UST: variants seen among roughly 807,000 people sequenced by gnomAD.
UST encodes the protein chondroitin sulfate 2-O-sulfotransferase.
In UST, 21 loss-of-function variants were observed where a neutral mutation model predicts 45.6. The observed-to-expected ratio is 0.46, with a 90% confidence interval of 0.33 to 0.66. UST has a LOEUF of 0.66. UST is among the 30% of genes least tolerant of loss of function. The probability of loss-of-function intolerance (pLI) is 0.02; values close to 1 mark genes in which losing one functional copy is unlikely to be tolerated. For synonymous variants in UST, 215 were observed against 200.6 expected (o/e 1.07, Z -0.61); for missense variants, 463 against 512.4 (o/e 0.90, Z 0.93).
At chr6:148,852,127 A>G (rs1471584075) in intron 1 of UST, among the ~76,000 whole-genome samples, 1 of 152,192 alleles carries the variant, frequency 6.6e-6, no homozygotes, top group Admixed American at 6.5e-5. Context: ...ACCTGCACCC[A>G]TGGTTGTGAA....
intron 7 of UST, among the ~76,000 whole-genome samples, chr6:149,038,850 A>T (rs913154424): frequency 2.0e-5 from 3 of 152,238 alleles, no homozygotes; most frequent in Non-Finnish European, 4.4e-5. Context: ...GGAAAGCTTT[A>T]TAAGTGATTT....
At chr6:148,873,748 G>GCCTCGA (rs1320143983) in intron 1 of UST, among the ~76,000 whole-genome samples, 2 of 152,166 alleles carry the variant, frequency 1.3e-5, no homozygotes, top group African/African-American at 2.4e-5. Flanking sequence ...TGGGGTTCTT[G>GCCTCGA]CCTCCTAGGT....
intron 1 of UST, among the ~76,000 whole-genome samples, chr6:148,829,060 A>G (rs1035846413): frequency 1.3e-5 from 2 of 152,184 alleles, no homozygotes; most frequent in Non-Finnish European, 2.9e-5. Context: ...TAAGAAGTGG[A>G]AAATTCATTT....
chr6:148,930,568 T>C (rs1217432090), intron 2 of UST, among the ~76,000 whole-genome samples: 2 of 152,152 alleles, frequency 1.3e-5, no homozygotes, highest in Non-Finnish European at 2.9e-5. Context: ...TAGCCTAAGT[T>C]CATACGATGG....
chr6:148,985,931 G>A (rs1027859662), intron 5 of UST, among the ~76,000 whole-genome samples: 2 of 152,236 alleles, frequency 1.3e-5, no homozygotes, highest in African/African-American at 4.8e-5. Flanking sequence ...GAAGGGAAAA[G>A]GAGGCAGGAA....
At chr6:148,883,673 G>A (rs907876739) in intron 1 of UST, among the ~76,000 whole-genome samples, 4 of 152,176 alleles carry the variant, frequency 2.6e-5, no homozygotes, top group Non-Finnish European at 5.9e-5. Flanking sequence ...CACAAAAAGA[G>A]ATAGATACGG....
chr6:148,871,498 T>C (rs1778559739), intron 1 of UST, among the ~76,000 whole-genome samples: 1 of 152,192 alleles, frequency 6.6e-6, no homozygotes, highest in Non-Finnish European at 1.5e-5. Context: ...CAGCTAGCAT[T>C]TCACTCACAT....
chr6:148,903,689 G>T (rs935333725), intron 2 of UST, among the ~76,000 whole-genome samples: 2 of 152,196 alleles, frequency 1.3e-5, no homozygotes, highest in Non-Finnish European at 2.9e-5. Flanking sequence ...ACCGGAAGAG[G>T]AAATGCTCAG....
chr6:149,071,787 C>T (rs1287739730), intron 7 of UST, among the ~76,000 whole-genome samples: 9 of 151,774 alleles, frequency 5.9e-5, no homozygotes, highest in Admixed American at 3.9e-4. Context: ...TAAAAACAAA[C>T]AAAAGCAAAC....
At chr6:149,062,632 C>T (rs1273920557) in intron 7 of UST, among the ~76,000 whole-genome samples, 1 of 152,202 alleles carries the variant, frequency 6.6e-6, no homozygotes, top group African/African-American at 2.4e-5. Context: ...TGCCAGAATA[C>T]ACACAGGGCA....
chr6:148,861,614 T>C (rs1409490037), intron 1 of UST, among the ~76,000 whole-genome samples: 2 of 152,234 alleles, frequency 1.3e-5, no homozygotes, highest in East Asian at 3.8e-4. Context: ...AGATCTTTCC[T>C]GCTTTCTCTT....
At chr6:148,764,052 G>C (rs1054038959) in intron 1 of UST, among the ~76,000 whole-genome samples, 1 of 152,160 alleles carries the variant, frequency 6.6e-6, no homozygotes, top group Non-Finnish European at 1.5e-5. Flanking sequence ...TAATTTGATA[G>C]GAATTGCATG....
intron 5 of UST, among the ~76,000 whole-genome samples, chr6:148,972,689 A>G (rs945439960): frequency 2.6e-5 from 4 of 152,268 alleles, no homozygotes; most frequent in Admixed American, 2.6e-4. Context: ...GCTGTGAGTC[A>G]GCGGAGCTGC....
chr6:148,967,652 G>C (rs1322086695), intron 5 of UST, among the ~76,000 whole-genome samples: 1 of 152,138 alleles, frequency 6.6e-6, no homozygotes, highest in African/African-American at 2.4e-5. Context: ...GGAGCCCACT[G>C]TCCCCTCCTT....
intron 1 of UST, among the ~76,000 whole-genome samples, chr6:148,760,664 A>G (rs748425351): frequency 8.5e-5 from 13 of 152,062 alleles, no homozygotes; most frequent in Non-Finnish European, 1.5e-4. Flanking sequence ...AAAAAAAACT[A>G]TATTAAAGTG....
At chr6:149,021,545 A>G (rs1258506502) in intron 7 of UST, 64 bp downstream of exon 7, 1 of 1,557,240 alleles carries the variant, frequency 6.4e-7, no homozygotes, top group Non-Finnish European at 8.8e-7. Flanking sequence ...ACTCACCTTG[A>G]AAAGGCCTCA....
intron 1 of UST, among the ~76,000 whole-genome samples, chr6:148,756,163 A>G (rs1415894104): frequency 1.3e-5 from 2 of 152,178 alleles, no homozygotes; most frequent in East Asian, 3.9e-4. Context: ...AGCTTCATCC[A>G]TGTCCCTACA....
At chr6:148,789,966 T>C (rs1776808022) in intron 1 of UST, among the ~76,000 whole-genome samples, 1 of 151,466 alleles carries the variant, frequency 6.6e-6, no homozygotes, top group South Asian at 2.1e-4. Context: ...AAAGCTTTTT[T>C]CTGTCATCAA....
intron 2 of UST, among the ~76,000 whole-genome samples, chr6:148,908,005 T>C (rs1779399518): frequency 7.1e-6 from 1 of 140,982 alleles, no homozygotes; most frequent in South Asian, 2.3e-4. Flanking sequence ...GTCTCGCAGG[T>C]TCAAGCAATT....
Sources: allele counts gnomAD v4.1 joint callset (sites outside exome capture counted in the v4.1 genomes callset), GRCh38; gene constraint gnomAD v4.1.1; transcripts MANE v1.5; gene names NCBI Gene and HGNC (gene_info 2026-07-23, HGNC 2026-07-21).